The following EGFR variants were observed in gnomAD, a reference collection of about 807,000 sequenced individuals.
EGFR encodes avian erythroblastic leukemia viral (v-erb-b) oncogene homolog.
In EGFR, 58 loss-of-function variants were observed where a neutral mutation model predicts 143.0. The ratio of observed to expected loss-of-function variants is 0.41; its 90% confidence interval spans 0.33 to 0.50. EGFR has a LOEUF of 0.50. Ranked by LOEUF, EGFR falls within the 20% of genes least tolerant of loss-of-function variation. EGFR has a pLI of 0.39. For missense variants in EGFR, 1,307 were observed against 1,579.0 expected (o/e 0.83, Z 2.92); for synonymous variants, 613 against 594.4 (o/e 1.03, Z -0.45).
intron 15 of EGFR, among the ~76,000 whole-genome samples, chr7:55,167,787 T>C (rs1786141354): frequency 6.6e-6 from 1 of 152,162 alleles, no homozygotes; most frequent in Admixed American, 6.5e-5. Context: ...AGGAAAACAA[T>C]CATATAATCT....
intron 1 of EGFR, among the ~76,000 whole-genome samples, chr7:55,126,475 G>T (rs956191827): frequency 8.5e-5 from 13 of 152,220 alleles, no homozygotes; most frequent in Non-Finnish European, 1.9e-4. Flanking sequence ...CTAGTAAAGA[G>T]AAGTCATTTG....
At chr7:55,111,734 G>C (rs1161006209) in intron 1 of EGFR, among the ~76,000 whole-genome samples, 1 of 152,182 alleles carries the variant, frequency 6.6e-6, no homozygotes. Context: ...CAGCTCCTCT[G>C]TAAAGACCTG....
At chr7:55,027,989 A>ATATATATATATAT (rs1427050656) in intron 1 of EGFR, among the ~76,000 whole-genome samples, 1 of 74,048 alleles carries the variant, frequency 1.4e-5, no homozygotes, top group Non-Finnish European at 2.5e-5. Flanking sequence ...AAAAAAAAAA[A>ATATATATATATAT]AAATATATAT....
chr7:55,147,626 G>A (rs183173222), intron 4 of EGFR, among the ~76,000 whole-genome samples: 13 of 152,140 alleles, frequency 8.5e-5, no homozygotes, highest in Admixed American at 5.2e-4. Context: ...TGAAATGCCC[G>A]TAATACAAGA....
At chr7:55,201,129 C>G (rs1787827910) in intron 24 of EGFR, 59 bp from the exon 25 acceptor site, 1 of 1,610,754 alleles carries the variant, frequency 6.2e-7, no homozygotes, top group Admixed American at 1.7e-5. Context: ...CTCCTATAGC[C>G]AAGAAGTGGA....
At chr7:55,109,539 G>A (rs17336184) in intron 1 of EGFR, among the ~76,000 whole-genome samples, 7,603 of 152,274 alleles carry the variant, frequency 0.05, 636 homozygotes, top group African/African-American at 0.17. Flanking sequence ...CTTTGCCAGC[G>A]ACCAAGCAGA....
chr7:55,020,227 A>AC (rs1256514081), intron 1 of EGFR, among the ~76,000 whole-genome samples: 5 of 151,868 alleles, frequency 3.3e-5, no homozygotes, highest in Admixed American at 3.3e-4. Context: ...CCTCCCGGGG[A>AC]CCCCAGCTCC....
chr7:55,038,203 G>A lies in EGFR; in HGVS notation c.88+18838G>A, dbSNP rs143393162. On this transcript the variant is annotated intron_variant, in intron 1 of 27. Transcript: ENST00000275493. ...GTGAAACCCTGGAAATTGATCTGTCGTTCACATGCTTCATGCCGAGTCCTT... is the reference window on the plus strand; with the variant it reads ...GTGAAACCCTGGAAATTGATCTGTCATTCACATGCTTCATGCCGAGTCCTT... Among the ~76,000 whole-genome samples, 107 of 152,302 alleles carry A rather than the reference G, an allele frequency of 7.0e-4. 1 individual carries two copies. The East Asian group carries it at 0.019, about 27-fold the overall frequency.
At chr7:55,143,992 G>T (rs527375642) in intron 3 of EGFR, among the ~76,000 whole-genome samples, 1 of 152,304 alleles carries the variant, frequency 6.6e-6, no homozygotes, top group South Asian at 2.1e-4. Flanking sequence ...AGCAGGACTC[G>T]TGAGGTTCCT....
chr7:55,075,016 A>G (rs1034463330), intron 1 of EGFR, among the ~76,000 whole-genome samples: 1 of 152,216 alleles, frequency 6.6e-6, no homozygotes, highest in Non-Finnish European at 1.5e-5. Flanking sequence ...TACCAGTAAA[A>G]TCACTTTGTC....
intron 1 of EGFR, among the ~76,000 whole-genome samples, chr7:55,065,659 C>T (rs973224506): frequency 2.6e-5 from 4 of 152,080 alleles, no homozygotes; most frequent in Non-Finnish European, 5.9e-5. Context: ...GTGAATTCAA[C>T]CAGCGATGAG....
intron 1 of EGFR, among the ~76,000 whole-genome samples, chr7:55,075,570 G>C (rs769549489): frequency 1.3e-5 from 2 of 152,158 alleles, no homozygotes; most frequent in African/African-American, 2.4e-5. Context: ...TGTTCCTCCT[G>C]AAACTTGGAG....
intron 1 of EGFR, among the ~76,000 whole-genome samples, chr7:55,096,402 G>C (rs1373740103): frequency 6.6e-6 from 1 of 152,218 alleles, no homozygotes; most frequent in Non-Finnish European, 1.5e-5. Context: ...CTGTGGACTA[G>C]ACCTCTGCAC....
intron 1 of EGFR, among the ~76,000 whole-genome samples, chr7:55,076,976 A>T (rs1465196397): frequency 6.6e-6 from 1 of 151,822 alleles, no homozygotes; most frequent in Non-Finnish European, 1.5e-5. Flanking sequence ...TAGAAAACTG[A>T]GTTCACTACA....
intron 20 of EGFR, 113 bp downstream of exon 20, chr7:55,181,591 T>G: frequency 8.2e-7 from 1 of 1,222,868 alleles, no homozygotes; most frequent in South Asian, 1.2e-5. Context: ...TGTGCGTGCA[T>G]GCAGCACACA....
chr7:55,091,396 A>C (rs2128894955), intron 1 of EGFR, among the ~76,000 whole-genome samples: 1 of 152,236 alleles, frequency 6.6e-6, no homozygotes, highest in East Asian at 1.9e-4. Flanking sequence ...TGTGTAAGTC[A>C]AAGATTTGTA....
At chr7:55,103,310 G>A (rs1231596025) in intron 1 of EGFR, among the ~76,000 whole-genome samples, 1 of 152,116 alleles carries the variant, frequency 6.6e-6, no homozygotes, top group Non-Finnish European at 1.5e-5. Flanking sequence ...ACATGGAAAG[G>A]GATTTGGGAG....
chr7:55,202,544 A>G lies in EGFR; in HGVS notation c.3190A>G (p.Ser1064Gly), dbSNP rs1250448734. The G allele has an allele frequency of 6.2e-7, 1 of 1,612,304 alleles. No individual in the cohort carries two copies. Among genetic ancestry groups the G allele is most frequent in the Non-Finnish European group, 8.5e-7 (1 of 1,179,196 alleles). ...GCAAAGCTGTCCCATCAAGGAAGACAGCTTCTTGCAGCGATACAGCTCAGA... is the reference window on the plus strand; with the variant it reads ...GCAAAGCTGTCCCATCAAGGAAGACGGCTTCTTGCAGCGATACAGCTCAGA... ...GLQSCPIKED[S>G]FLQRYSSDPT... The change falls in exon 27 of 28, where the codon AGC (serine) becomes GGC (glycine). Residue 1064 changes from serine (S) to glycine (G), a missense_variant. Ser to Gly is a moderately conservative substitution (Grantham distance 56, BLOSUM62 0). Transcript: ENST00000275493.
At chr7:55,097,368 C>T (rs2128898644) in intron 1 of EGFR, among the ~76,000 whole-genome samples, 1 of 152,282 alleles carries the variant, frequency 6.6e-6, no homozygotes, top group East Asian at 1.9e-4. Context: ...ATAAATCCTC[C>T]CCCATAAAAC....
Sources: allele counts gnomAD v4.1 joint callset (sites outside exome capture counted in the v4.1 genomes callset), GRCh38; gene constraint gnomAD v4.1.1; transcripts MANE v1.5; gene names NCBI Gene and HGNC (gene_info 2026-07-23, HGNC 2026-07-21).